SBF2: variants seen among roughly 807,000 people sequenced by gnomAD.
The protein encoded by SBF2 is SET binding factor 2.
In SBF2, 112 loss-of-function variants were observed where a neutral mutation model predicts 225.2. That is an observed-to-expected ratio of 0.50 (90% CI 0.43 to 0.58). The LOEUF is 0.58. SBF2 is among the 20% of genes least tolerant of loss of function. The pLI, the probability that SBF2 is intolerant of heterozygous loss-of-function variation, is 0.00. For synonymous variants in SBF2, 763 were observed against 773.3 expected (o/e 0.99, Z 0.22); for missense variants, 1,996 against 2,206.2 (o/e 0.90, Z 1.91).
At chr11:9,853,150 C>T (rs1419276280) in intron 20 of SBF2, among the ~76,000 whole-genome samples, 3 of 152,016 alleles carry the variant, frequency 2.0e-5, no homozygotes, top group East Asian at 3.9e-4. Flanking sequence ...TAAACCAAAC[C>T]CAAAAGTACA....
chr11:9,826,444 G>C (rs927716483), intron 28 of SBF2, among the ~76,000 whole-genome samples: 12 of 152,008 alleles, frequency 7.9e-5, no homozygotes, highest in Admixed American at 7.9e-4. Context: ...TTTTCAAAAG[G>C]GAAAAAAGTG....
chr11:10,152,558 AAAG>A (rs1305428183), intron 2 of SBF2, among the ~76,000 whole-genome samples: 20 of 152,206 alleles, frequency 1.3e-4, no homozygotes, highest in South Asian at 4.1e-4. Flanking sequence ...TCAAAAAAAA[AAAG>A]AAGAAGAAAA....
At chr11:10,063,858 C>CACACACAG (rs373423157) in intron 2 of SBF2, among the ~76,000 whole-genome samples, 1,961 of 136,142 alleles carry the variant, frequency 0.014, 30 homozygotes, top group South Asian at 0.044. Flanking sequence ...CACACACACA[C>CACACACAG]AGAGAGAGAG....
chr11:10,164,589 C>T (rs1435706482), intron 2 of SBF2, among the ~76,000 whole-genome samples: 1 of 152,110 alleles, frequency 6.6e-6, no homozygotes, highest in East Asian at 1.9e-4. Flanking sequence ...TACCAAAATC[C>T]TAATTTATAT....
intron 2 of SBF2, among the ~76,000 whole-genome samples, chr11:10,177,056 T>G (rs866582141): frequency 6.6e-6 from 1 of 151,898 alleles, no homozygotes; most frequent in African/African-American, 2.4e-5. Context: ...TCAATAAATG[T>G]AATCCAGCAT....
chr11:10,160,218 C>T (rs1055430230), intron 2 of SBF2, among the ~76,000 whole-genome samples: 16 of 151,988 alleles, frequency 1.1e-4, no homozygotes, highest in African/African-American at 2.7e-4. Context: ...TCAGTAAAGT[C>T]GTGAAATAAA....
intron 33 of SBF2, chr11:9,791,234 T>G (rs1852720353): frequency 6.6e-6 from 1 of 152,140 alleles, no homozygotes; most frequent in Admixed American, 6.6e-5. Context: ...AAGCAGAACT[T>G]TTATACCTTT....
At chr11:10,066,367 T>G (rs1486278326) in intron 2 of SBF2, among the ~76,000 whole-genome samples, 1 of 151,390 alleles carries the variant, frequency 6.6e-6, no homozygotes, top group Non-Finnish European at 1.5e-5. Flanking sequence ...TCTTTTATTT[T>G]AGCAAATTGA....
chr11:10,293,110 G>A (rs949459949), intron 1 of SBF2, among the ~76,000 whole-genome samples: 1 of 152,352 alleles, frequency 6.6e-6, no homozygotes, highest in South Asian at 2.1e-4. Flanking sequence ...TGTGGGACTA[G>A]AATTGCCCTA....
At chr11:9,880,384 G>T (rs1859661111) in intron 17 of SBF2, among the ~76,000 whole-genome samples, 1 of 152,198 alleles carries the variant, frequency 6.6e-6, no homozygotes, top group Non-Finnish European at 1.5e-5. Flanking sequence ...AGATGTGGTA[G>T]CAATGTTCCT....
chr11:10,008,350 T>C (rs538822882), intron 6 of SBF2, among the ~76,000 whole-genome samples: 1 of 152,182 alleles, frequency 6.6e-6, no homozygotes, highest in East Asian at 1.9e-4. Context: ...TACAGGACCG[T>C]TTCCTAACTC....
chr11:9,794,671 C>T (rs116741744), intron 33 of SBF2, among the ~76,000 whole-genome samples: 732 of 14,450 alleles, frequency 0.051, 14 homozygotes, highest in African/African-American at 0.11. Flanking sequence ...AGTGGGACTC[C>T]GTCTCAAAAA....
At chr11:9,916,787 G>A (rs757666375) in intron 16 of SBF2, among the ~76,000 whole-genome samples, 7 of 151,896 alleles carry the variant, frequency 4.6e-5, no homozygotes, top group Middle Eastern at 3.4e-3. Flanking sequence ...GTCTCACTAC[G>A]TTGTTTAGGC....
rs541284516 is a variant in SBF2 at position 10,091,633 on chromosome 11, G to T, written c.142-48652C>A. Among the ~76,000 whole-genome samples, 6 of 152,232 alleles carry T rather than the reference G, an allele frequency of 3.9e-5. No homozygotes were observed. In the South Asian group the frequency reaches 1.2e-3, roughly 32 times the overall value. ...GTCTGTAATACAGATAATTTTGGGG[G>T]TAGGGAGGCTGCATAGAGGAGGAAC... On this transcript the variant is annotated intron_variant, in intron 2 of 39. Transcript: ENST00000256190.
At chr11:9,852,814 A>G in intron 20 of SBF2, 65 bp from the exon 21 acceptor site, 6 of 1,207,534 alleles carry the variant, frequency 5.0e-6, no homozygotes, top group Non-Finnish European at 7.4e-6. Context: ...CAAATTCTGG[A>G]TATTTTAGAA....
intron 15 of SBF2, 68 bp from the exon 16 acceptor site, chr11:9,962,174 A>G: frequency 6.9e-7 from 1 of 1,451,734 alleles, no homozygotes; most frequent in African/African-American, 1.4e-5. Context: ...TCAAACAATC[A>G]TCCTGAAAAT....
At chr11:10,211,910 C>T (rs563791978) in intron 1 of SBF2, among the ~76,000 whole-genome samples, 7 of 152,318 alleles carry the variant, frequency 4.6e-5, no homozygotes, top group African/African-American at 1.4e-4. Flanking sequence ...AAAGAGACCA[C>T]ATGTGGAACC....
chr11:10,165,304 C>A (rs1340923804), intron 2 of SBF2, among the ~76,000 whole-genome samples: 1 of 152,154 alleles, frequency 6.6e-6, no homozygotes, highest in Non-Finnish European at 1.5e-5. Context: ...GTATTTGAAG[C>A]TTGCCACAGA....
At chr11:10,191,822 G>A (rs1309319918) in intron 2 of SBF2, among the ~76,000 whole-genome samples, 1 of 152,134 alleles carries the variant, frequency 6.6e-6, no homozygotes, top group African/African-American at 2.4e-5. Context: ...CTTGCTACTG[G>A]AGAAATAAGA....
Sources: allele counts gnomAD v4.1 joint callset (sites outside exome capture counted in the v4.1 genomes callset), GRCh38; gene constraint gnomAD v4.1.1; transcripts MANE v1.5; gene names NCBI Gene and HGNC (gene_info 2026-07-23, HGNC 2026-07-21).